PDZD2: variants seen among roughly 807,000 people sequenced by gnomAD.
PDZD2 encodes PDZ domain containing 2, also known as PDZ domain-containing protein 2.
Under a neutral mutation model 220.7 loss-of-function variants are expected in PDZD2, and 90 were observed. That is an observed-to-expected ratio of 0.41 (90% confidence interval 0.34 to 0.49). The LOEUF (loss-of-function observed/expected upper bound fraction) is 0.49. Among genes scored for constraint, PDZD2 ranks in the 20% least tolerant of loss-of-function variants. PDZD2 has a pLI of 0.28. For missense variants in PDZD2, 3,174 were observed against 3,608.5 expected (o/e 0.88, Z 3.08); for synonymous variants, 1,375 against 1,450.5 (o/e 0.95, Z 1.18).
chr5:32,032,175 C>T (rs1488572504), intron 6 of PDZD2, among the ~76,000 whole-genome samples: 2 of 152,116 alleles, frequency 1.3e-5, no homozygotes, highest in Non-Finnish European at 2.9e-5. Flanking sequence ...ACTGGGAAGT[C>T]GCAGCTTAGT....
chr5:31,880,093 T>C (rs992123536), intron 2 of PDZD2, among the ~76,000 whole-genome samples: 13 of 151,562 alleles, frequency 8.6e-5, no homozygotes, highest in African/African-American at 3.2e-4. Flanking sequence ...CTACTTTTTG[T>C]ATTTTTTTTT....
intron 2 of PDZD2, among the ~76,000 whole-genome samples, chr5:31,870,867 C>T (rs1026518420): frequency 3.5e-5 from 5 of 144,542 alleles, no homozygotes; most frequent in African/African-American, 1.0e-4. Context: ...CCAGCCTATG[C>T]GACAGATCGA....
intron 1 of PDZD2, among the ~76,000 whole-genome samples, chr5:31,677,305 T>A (rs948063542): frequency 6.6e-5 from 10 of 152,046 alleles, no homozygotes; most frequent in East Asian, 3.9e-4. Flanking sequence ...CTAAAAAAAA[T>A]TTTTATTTGT....
At chr5:32,055,594 T>A (rs1739020527) in intron 10 of PDZD2, among the ~76,000 whole-genome samples, 2 of 152,234 alleles carry the variant, frequency 1.3e-5, no homozygotes, top group Non-Finnish European at 2.9e-5. Context: ...AAGTAGAATA[T>A]TTTTAGTTAT....
At chr5:31,850,634 C>CTT (rs1202109766) in intron 2 of PDZD2, among the ~76,000 whole-genome samples, 1,566 of 118,306 alleles carry the variant, frequency 0.013, 47 homozygotes, top group African/African-American at 0.044. Context: ...TACCCAAATT[C>CTT]TTTTTTTTTT....
intron 1 of PDZD2, among the ~76,000 whole-genome samples, chr5:31,665,678 G>A (rs72753576): frequency 0.071 from 9,205 of 128,908 alleles, 344 homozygotes; most frequent in Admixed American, 0.12. Flanking sequence ...CTTGTGAAAA[G>A]GTTCCTGCTT....
At chr5:31,929,708 CG>C (rs1424238908) in intron 2 of PDZD2, among the ~76,000 whole-genome samples, 1 of 151,738 alleles carries the variant, frequency 6.6e-6, no homozygotes. Context: ...AAAAATCAGC[CG>C]GGTGTGGTGC....
In PDZD2 at chr5:32,087,389, C is replaced by G. The variant is rs1742582746; in HGVS notation, c.3941C>G (p.Pro1314Arg). The change falls in exon 20 of 25, where the codon CCC (proline) becomes CGC (arginine). Residue 1314 changes from proline to arginine, a missense_variant. Around this residue, in one of 4 missense-constraint regions of PDZD2, gnomAD observed 1,861 missense variants for 2,001.0 expected, o/e 0.93. Transcript: ENST00000438447. This position sits in a 1 kb window ranked among gnomAD's most constrained non-coding sequence, Gnocchi z 4.0. ...KTRSASETST[P>R]HNTRRVAALR... ...CGATCAGCATCGGAAACCAGCACAC[C>G]CCACAATACCAGGAGGGTGGCTGCC... is the stretch of plus-strand genomic sequence containing the variant. 1 of 1,614,064 alleles carries G rather than the reference C, an allele frequency of 6.2e-7. No homozygotes were observed. The highest frequency in any genetic ancestry group is 8.5e-7 in the Non-Finnish European group (1 of 1,179,970).
At chr5:31,962,643 A>T (rs1748355148) in intron 2 of PDZD2, among the ~76,000 whole-genome samples, 1 of 152,194 alleles carries the variant, frequency 6.6e-6, no homozygotes, top group Non-Finnish European at 1.5e-5. Flanking sequence ...TGCCACCCGC[A>T]TAAAGCTCCA....
intron 2 of PDZD2, chr5:31,822,908 CATAACTACAA>C: frequency 1.1e-6 from 1 of 876,734 alleles, no homozygotes; most frequent in Non-Finnish European, 1.8e-6. Context: ...ATGTTCTGTG[CATAACTACAA>C]ATAGTCTGAA....
chr5:31,772,814 G>A (rs1050751532), intron 1 of PDZD2, among the ~76,000 whole-genome samples: 4 of 152,160 alleles, frequency 2.6e-5, no homozygotes, highest in South Asian at 4.1e-4. Context: ...ACAGAATCAG[G>A]CCTTTCCATC....
intron 1 of PDZD2, among the ~76,000 whole-genome samples, chr5:31,749,025 C>G (rs888647227): frequency 5.9e-5 from 9 of 152,206 alleles, no homozygotes; most frequent in East Asian, 3.9e-4. Flanking sequence ...TCAGCACTCA[C>G]TAAAATTAGG....
chr5:32,106,452 CT>C (rs1185190525), intron 24 of PDZD2: 5 of 152,306 alleles, frequency 3.3e-5, no homozygotes, highest in Middle Eastern at 3.1e-3. Context: ...TTGAGGACCC[CT>C]GTCCTAGAAG....
At chr5:31,828,122 C>T (rs1201333543) in intron 2 of PDZD2, among the ~76,000 whole-genome samples, 1 of 152,166 alleles carries the variant, frequency 6.6e-6, no homozygotes, top group Admixed American at 6.6e-5. Flanking sequence ...GTCATTTCCA[C>T]TTTTTGACTA....
chr5:32,078,926 G>T lies in PDZD2; in HGVS notation c.3682+1320G>T, dbSNP rs181606444. ...TTTTTAAAAATCAACTGAATTAAGT[G>T]ACTTTGCTTCCTTGTTAGTGGAGAC... On this transcript the variant is annotated intron_variant, in intron 19 of 24. Coordinates refer to ENST00000438447, the MANE Select transcript of PDZD2 (RefSeq NM_178140.4). Among the ~76,000 whole-genome samples the T allele has an allele frequency of 3.9e-5, 6 of 152,078 alleles. No individual in the cohort carries two copies. The East Asian group carries it at 1.2e-3, about 29-fold the overall frequency.
In PDZD2 at chr5:31,812,184, T is replaced by C. The variant is rs150230017; in HGVS notation, c.476+12460T>C. 5.7e-3 allele frequency among the ~76,000 whole-genome samples: 863 copies of C among 152,194 alleles called. 8 individuals carry two copies. Among genetic ancestry groups the C allele is most frequent in the African/African-American group, 0.019 (795 of 41,520 alleles). Reference sequence around the variant, plus strand: ...GTGTAATGGGCAGAAAGAACTTACATAGAAGTCACCAGAAAATGGTTCATG... The same window carrying C: ...GTGTAATGGGCAGAAAGAACTTACACAGAAGTCACCAGAAAATGGTTCATG... On this transcript the variant is annotated intron_variant, in intron 2 of 24. Coordinates refer to ENST00000438447, the MANE Select transcript of PDZD2 (RefSeq NM_178140.4).
chr5:32,035,802 C>T (rs1408005115), intron 6 of PDZD2, among the ~76,000 whole-genome samples: 2 of 152,180 alleles, frequency 1.3e-5, no homozygotes, highest in Non-Finnish European at 2.9e-5. Context: ...AGGTTGATTT[C>T]TCCCAACCCC....
At chr5:31,714,608 C>T (rs1327967167) in intron 1 of PDZD2, among the ~76,000 whole-genome samples, 1 of 152,134 alleles carries the variant, frequency 6.6e-6, no homozygotes, top group Non-Finnish European at 1.5e-5. Flanking sequence ...TGCTTATAAT[C>T]CCATATCTGC....
intron 1 of PDZD2, among the ~76,000 whole-genome samples, chr5:31,729,523 T>C (rs1749389965): frequency 1.3e-5 from 2 of 152,216 alleles, no homozygotes. Context: ...ACTGCCTGTA[T>C]AGGGTGGGAA....
Sources: gnomAD v4.1 joint callset for allele counts (sites outside exome capture counted in the v4.1 genomes callset) on GRCh38, gnomAD v4.1.1 for gene constraint, gnomAD v4.1.1 regional missense constraint, Gnocchi (gnomAD v3.1) non-coding constraint, MANE v1.5 for transcripts, NCBI Gene and HGNC (gene_info 2026-07-23, HGNC 2026-07-21) for gene names.